The following KANK1 variants were observed in gnomAD, a reference collection of about 807,000 sequenced individuals.
KANK1 encodes the protein KN motif and ankyrin repeat domain-containing protein 1.
Under a neutral mutation model 106.2 loss-of-function variants are expected in KANK1, and 109 were observed. The ratio of observed to expected loss-of-function variants is 1.03; its 90% CI spans 0.88 to 1.20. The LOEUF is 1.20. Among genes scored for constraint, KANK1 ranks in the 50% most tolerant of loss-of-function variants. KANK1 has a pLI of 0.00. For missense variants in KANK1, 2,399 were observed against 1,710.7 expected (o/e 1.40, Z -7.10); for synonymous variants, 873 against 652.2 (o/e 1.34, Z -5.16).
At chr9:579,132 G>C (rs1230251707) in intron 1 of KANK1, among the ~76,000 whole-genome samples, 1 of 152,218 alleles carries the variant, frequency 6.6e-6, no homozygotes, top group African/African-American at 2.4e-5. Flanking sequence ...AAGCTGCAGG[G>C]ATGGGAGGTC....
chr9:531,761 G>A (rs1000937778), intron 1 of KANK1, among the ~76,000 whole-genome samples: 3 of 152,218 alleles, frequency 2.0e-5, no homozygotes, highest in African/African-American at 4.8e-5. Context: ...ATTCTGAACT[G>A]TGGCAGAATA....
intron 3 of KANK1, among the ~76,000 whole-genome samples, chr9:499,579 A>G (rs1469178582): frequency 6.6e-6 from 1 of 152,098 alleles, no homozygotes; most frequent in Non-Finnish European, 1.5e-5. Flanking sequence ...GCTCCTGCAA[A>G]TCTTTTACCT....
chr9:504,779 C>CGCGCCCCGTGCCGCGCCTCGTGCCGCGCT (rs5741687), intron 1 of KANK1, 25 bp downstream of exon 1: 1 of 140,820 alleles, frequency 7.1e-6, no homozygotes, highest in African/African-American at 2.7e-5. Flanking sequence ...GGGGCCGTGC[C>CGCGCCCCGTGCCGCGCCTCGTGCCGCGCT]GCGCCCCGTG....
chr9:696,139 C>T (rs1353546103), intron 2 of KANK1, among the ~76,000 whole-genome samples: 2 of 152,074 alleles, frequency 1.3e-5, no homozygotes, highest in African/African-American at 4.8e-5. Context: ...AAAAAATTAG[C>T]CGGGCGTGGT....
In KANK1 at chr9:541,885, C is replaced by G. The variant is rs1408717519; in HGVS notation, c.-84+37131C>G. 3.3e-5 allele frequency among the ~76,000 whole-genome samples: 5 copies of G among 151,590 alleles called. No individual in the cohort carries two copies. In the South Asian group the frequency reaches 8.3e-4, roughly 25 times the overall value. ...CGGGCGGATCACGAGGTCAGGAGAT[C>G]GAGACCATCCTGGCTAACACGGTGA... On this transcript the variant is annotated intron_variant, in intron 1 of 11. Transcript: ENST00000382297.
intron 1 of KANK1, among the ~76,000 whole-genome samples, chr9:654,192 A>C (rs945290410): frequency 6.6e-6 from 1 of 152,208 alleles, no homozygotes; most frequent in African/African-American, 2.4e-5. Context: ...TCTCTGATTC[A>C]GTAGCCCGTT....
At chr9:592,456 G>T (rs1020112920) in intron 1 of KANK1, among the ~76,000 whole-genome samples, 10 of 146,922 alleles carry the variant, frequency 6.8e-5, no homozygotes, top group Non-Finnish European at 1.3e-4. Context: ...CAGCTGCTAT[G>T]ACTCTTTCTT....
intron 1 of KANK1, among the ~76,000 whole-genome samples, chr9:585,312 A>G (rs145155236): frequency 2.6e-5 from 4 of 152,324 alleles, no homozygotes; most frequent in East Asian, 3.9e-4. Flanking sequence ...GGTACTTGCA[A>G]TTAGAACACG....
intron 1 of KANK1, among the ~76,000 whole-genome samples, chr9:577,320 G>A (rs1563798511): frequency 1.3e-5 from 2 of 151,988 alleles, no homozygotes; most frequent in African/African-American, 2.4e-5. Flanking sequence ...AGTGCTGATT[G>A]GTGTGTTATT....
chr9:712,567 G>A lies in KANK1; in HGVS notation c.1801G>A (p.Glu601Lys), dbSNP rs115020236. 4.2e-4 allele frequency: 682 copies of A among 1,614,188 alleles called. 6 individuals are homozygous for A. In the African/African-American group the frequency reaches 7.9e-3, roughly 19 times the overall value. The change falls in exon 3 of 12, where the codon GAA becomes AAA. Residue 601 changes from glutamate (E) to lysine (K), a missense_variant. By Grantham distance (56) the Glu-to-Lys change is moderately conservative. Coordinates refer to ENST00000382297, the MANE Select transcript of KANK1 (RefSeq NM_015158.5). The stretch of plus-strand genomic sequence containing the variant: ...TGTGAGTGTGGAAGTCAGCGTCTGC[G>A]AAACAGGCAGCAACACAGAGGAGTC... ...KSVSVEVSVC[E>K]TGSNTEESVN...
chr9:742,688 C>G (rs970173485), intron 10 of KANK1, among the ~76,000 whole-genome samples: 3 of 152,188 alleles, frequency 2.0e-5, no homozygotes, highest in African/African-American at 7.2e-5. Context: ...AAGAGCCCCT[C>G]TACTAAAGGG....
intron 3 of KANK1, among the ~76,000 whole-genome samples, chr9:478,685 T>TA (rs752108809): frequency 2.6e-5 from 4 of 152,234 alleles, no homozygotes; most frequent in African/African-American, 4.8e-5. Flanking sequence ...AATAGCCACT[T>TA]ACCTTTAAAA....
chr9:684,244 C>G (rs966015067), intron 2 of KANK1: 4 of 985,386 alleles, frequency 4.1e-6, no homozygotes, highest in Non-Finnish European at 3.6e-6. Flanking sequence ...AGCTCTCCAG[C>G]TAAGCCAAGA....
chr9:502,562 C>A (rs1310861222), upstream of KANK1, among the ~76,000 whole-genome samples: 11 of 150,094 alleles, frequency 7.3e-5, no homozygotes, highest in Non-Finnish European at 1.0e-4. Flanking sequence ...CGTGCTCTGT[C>A]GCCCAGGCCA....
chr9:516,144 T>A (rs988869464), intron 1 of KANK1, among the ~76,000 whole-genome samples: 6 of 151,564 alleles, frequency 4.0e-5, no homozygotes. Context: ...TACTTACAGG[T>A]GTTGTTTGGC....
intron 1 of KANK1, among the ~76,000 whole-genome samples, chr9:654,060 T>C (rs67402219): frequency 0.019 from 2,823 of 152,256 alleles, 112 homozygotes; most frequent in African/African-American, 0.064. Flanking sequence ...TGAAATTGAG[T>C]GGCTTCTTAC....
At chr9:511,409 AC>A (rs1261971885) in intron 1 of KANK1, among the ~76,000 whole-genome samples, 1 of 152,166 alleles carries the variant, frequency 6.6e-6, no homozygotes, top group Non-Finnish European at 1.5e-5. Flanking sequence ...CAGGCTGGCT[AC>A]TTTTAATCTA....
At chr9:538,345 A>G (rs948775581) in intron 1 of KANK1, among the ~76,000 whole-genome samples, 1 of 152,134 alleles carries the variant, frequency 6.6e-6, no homozygotes, top group Non-Finnish European at 1.5e-5. Flanking sequence ...TTTTTTGTAA[A>G]AAGTTGAGTA....
At chr9:659,213 G>T (rs895992487) in intron 1 of KANK1, among the ~76,000 whole-genome samples, 1 of 152,176 alleles carries the variant, frequency 6.6e-6, no homozygotes, top group African/African-American at 2.4e-5. Context: ...TAGGCTTCCT[G>T]GGGGATGTTT....
Sources: allele counts gnomAD v4.1 joint callset (sites outside exome capture counted in the v4.1 genomes callset), GRCh38; gene constraint gnomAD v4.1.1; transcripts MANE v1.5; gene names NCBI Gene and HGNC (gene_info 2026-07-23, HGNC 2026-07-21).